GRID2: variants seen among roughly 807,000 people sequenced by gnomAD.
The protein encoded by GRID2 is glutamate ionotropic receptor delta type subunit 2.
Under a neutral mutation model 114.8 loss-of-function variants are expected in GRID2, and 33 were observed. The observed-to-expected ratio is 0.29, with a 90% CI of 0.22 to 0.38. The LOEUF (loss-of-function observed/expected upper bound fraction) is 0.38, where lower values mean the gene tolerates loss of function less well. GRID2 is among the 10% of genes least tolerant of loss of function. The probability of loss-of-function intolerance (pLI) is 1.00; values close to 1 mark genes in which losing one functional copy is unlikely to be tolerated. For missense variants in GRID2, 1,184 were observed against 1,257.7 expected, an observed-to-expected ratio of 0.94 and a Z score of 0.89; for synonymous variants, 505 against 449.9, an observed-to-expected ratio of 1.12 and a Z score of -1.55.
intron 2 of GRID2, among the ~76,000 whole-genome samples, chr4:92,983,845 A>G (rs1217506684): frequency 6.6e-6 from 1 of 152,136 alleles, no homozygotes. Context: ...AGAACTCTGT[A>G]TATGTTTATT....
chr4:92,798,780 T>G (rs1239649346), intron 2 of GRID2, among the ~76,000 whole-genome samples: 1 of 152,062 alleles, frequency 6.6e-6, no homozygotes, highest in East Asian at 1.9e-4. Context: ...GTAGATGTTC[T>G]CCTCTTTTGT....
intron 1 of GRID2, among the ~76,000 whole-genome samples, chr4:92,334,183 C>A (rs1472667337): frequency 6.6e-6 from 1 of 152,140 alleles, no homozygotes; most frequent in Non-Finnish European, 1.5e-5. Flanking sequence ...TGTCTTAGAC[C>A]TCATTGGAAC....
At chr4:92,898,977 T>C (rs1367391408) in intron 2 of GRID2, among the ~76,000 whole-genome samples, 1 of 152,088 alleles carries the variant, frequency 6.6e-6, no homozygotes, top group Non-Finnish European at 1.5e-5. Context: ...CAACATAACA[T>C]TATAGCTGTA....
chr4:92,914,570 C>A (rs1468915359), intron 2 of GRID2, among the ~76,000 whole-genome samples: 1 of 152,076 alleles, frequency 6.6e-6, no homozygotes, highest in Non-Finnish European at 1.5e-5. Flanking sequence ...TCCCTTCTCC[C>A]ACCCACCGCA....
intron 2 of GRID2, among the ~76,000 whole-genome samples, chr4:92,995,449 A>G (rs1043523377): frequency 6.6e-6 from 1 of 152,174 alleles, no homozygotes; most frequent in Non-Finnish European, 1.5e-5. Context: ...TTTGAAACCC[A>G]AAAGGATCAT....
intron 2 of GRID2, among the ~76,000 whole-genome samples, chr4:92,877,814 G>T (rs1745742678): frequency 6.6e-6 from 1 of 152,092 alleles, no homozygotes; most frequent in South Asian, 2.1e-4. Flanking sequence ...TTATAATTTG[G>T]AGAATGACTT....
At chr4:92,756,389 C>A (rs1737722062) in intron 2 of GRID2, among the ~76,000 whole-genome samples, 1 of 152,044 alleles carries the variant, frequency 6.6e-6, no homozygotes, top group African/African-American at 2.4e-5. Context: ...TTGCGTAGTG[C>A]CGCAATAAAC....
At chr4:93,145,644 CTTTTTTTTTT>C (rs10605313) in intron 4 of GRID2, among the ~76,000 whole-genome samples, 33 of 45,710 alleles carry the variant, frequency 7.2e-4, no homozygotes, top group African/African-American at 2.1e-3. Context: ...TTCTTTTTTC[CTTTTTTTTTT>C]TTTTTTTTTT....
intron 1 of GRID2, among the ~76,000 whole-genome samples, chr4:92,516,899 T>C (rs1250760073): frequency 6.6e-6 from 1 of 151,922 alleles, no homozygotes; most frequent in Non-Finnish European, 1.5e-5. Flanking sequence ...ATTACTTTCT[T>C]TCTATGGATT....
At chr4:92,306,980 C>A (rs1252871621) in intron 1 of GRID2, among the ~76,000 whole-genome samples, 4 of 151,956 alleles carry the variant, frequency 2.6e-5, no homozygotes, top group Non-Finnish European at 5.9e-5. Context: ...CAAATTGTTT[C>A]AAAAACTTTA....
chr4:92,511,621 G>C (rs1724255789), intron 1 of GRID2, among the ~76,000 whole-genome samples: 2 of 151,816 alleles, frequency 1.3e-5, no homozygotes, highest in Admixed American at 1.3e-4. Flanking sequence ...CAGCACTGTA[G>C]AGATCTTGAT....
chr4:93,456,118 T>G, intron 11 of GRID2, 144 bp downstream of exon 11: 1 of 608,384 alleles, frequency 1.6e-6, no homozygotes, highest in South Asian at 2.0e-5. Flanking sequence ...AAAGAACATT[T>G]GCTACTTCCT....
chr4:93,584,707 T>G (rs1245313698), intron 13 of GRID2, among the ~76,000 whole-genome samples: 1 of 152,150 alleles, frequency 6.6e-6, no homozygotes, highest in Non-Finnish European at 1.5e-5. Context: ...ATCCATTTGC[T>G]CCATTCCTAA....
At chr4:92,761,721 T>C (rs1306178031) in intron 2 of GRID2, among the ~76,000 whole-genome samples, 1 of 151,944 alleles carries the variant, frequency 6.6e-6, no homozygotes, top group Non-Finnish European at 1.5e-5. Context: ...CAACCTCCAC[T>C]CCATCCACCT....
At chr4:93,462,565 A>G (rs1248835749) in intron 11 of GRID2, among the ~76,000 whole-genome samples, 1 of 152,188 alleles carries the variant, frequency 6.6e-6, no homozygotes, top group East Asian at 1.9e-4. Flanking sequence ...TCCTACTGTC[A>G]GATGGATCAC....
At chr4:93,367,634 T>C (rs1762468888) in intron 8 of GRID2, among the ~76,000 whole-genome samples, 1 of 152,096 alleles carries the variant, frequency 6.6e-6, no homozygotes, top group Non-Finnish European at 1.5e-5. Flanking sequence ...CCTTAGTAAA[T>C]GAACAGAGTG....
chr4:92,593,625 T>C (rs938708944), intron 2 of GRID2, among the ~76,000 whole-genome samples: 1 of 151,964 alleles, frequency 6.6e-6, no homozygotes, highest in African/African-American at 2.4e-5. Flanking sequence ...TTTGTCAGTA[T>C]TTGGTAACAT....
intron 2 of GRID2, among the ~76,000 whole-genome samples, chr4:92,789,288 T>C (rs1257810510): frequency 2.0e-5 from 3 of 152,002 alleles, no homozygotes; most frequent in South Asian, 2.1e-4. Context: ...CTGAGAATTG[T>C]TGATTTTTAT....
chr4:93,734,757 A>T (rs2110234841), intron 14 of GRID2, among the ~76,000 whole-genome samples: 1 of 152,128 alleles, frequency 6.6e-6, no homozygotes, highest in Non-Finnish European at 1.5e-5. Context: ...CTACAGAAAA[A>T]GTTTATTTAA....
Sources: allele counts gnomAD v4.1 joint callset (sites outside exome capture counted in the v4.1 genomes callset), GRCh38; gene constraint gnomAD v4.1.1; transcripts MANE v1.5; gene names NCBI Gene and HGNC (gene_info 2026-07-23, HGNC 2026-07-21).